Variants in SYT14 observed in about 807,000 individuals in gnomAD.
SYT14 encodes the protein synaptotagmin-14.
SYT14 carries 32 observed loss-of-function variants against 74.2 expected under a neutral mutation model. The ratio of observed to expected loss-of-function variants is 0.43; its 90% CI spans 0.33 to 0.58. The LOEUF (loss-of-function observed/expected upper bound fraction) is 0.58, where lower values mean the gene tolerates loss of function less well. Among genes scored for constraint, SYT14 ranks in the 20% least tolerant of loss-of-function variants. SYT14 has a pLI of 0.05. For synonymous variants in SYT14, 298 were observed against 337.7 expected (o/e 0.88, Z 1.29); for missense variants, 791 against 981.8 (o/e 0.81, Z 2.60).
At chr1:210,152,816 G>T (rs545098287) in intron 7 of SYT14, among the ~76,000 whole-genome samples, 1 of 151,878 alleles carries the variant, frequency 6.6e-6, no homozygotes, top group East Asian at 1.9e-4. Context: ...TTAATACATC[G>T]GGAACATAAT....
chr1:210,015,684 G>C (rs1299161344), exon 4 of SYT14: 1 of 196,980 alleles, frequency 5.1e-6, no homozygotes, highest in African/African-American at 2.3e-5. Flanking sequence ...CTTTTTTCAG[G>C]TGTAGAATAA....
chr1:209,976,123 T>G (rs2079358840), intron 2 of SYT14, among the ~76,000 whole-genome samples: 1 of 152,192 alleles, frequency 6.6e-6, no homozygotes, highest in Non-Finnish European at 1.5e-5. Flanking sequence ...GCTAGCGGTT[T>G]ATCAATTTTT....
chr1:210,141,705 T>G (rs982125601), intron 7 of SYT14, among the ~76,000 whole-genome samples: 5 of 152,234 alleles, frequency 3.3e-5, no homozygotes, highest in Non-Finnish European at 7.3e-5. Flanking sequence ...AAGTCTTTGC[T>G]GAGGGGTTCT....
At chr1:210,051,255 A>G (rs781261638) in intron 5 of SYT14, among the ~76,000 whole-genome samples, 3 of 152,218 alleles carry the variant, frequency 2.0e-5, no homozygotes, top group African/African-American at 2.4e-5. Context: ...ATAAAATTCA[A>G]GAATTTTGGT....
chr1:209,985,652 C>T (rs542307140), intron 2 of SYT14, among the ~76,000 whole-genome samples: 1 of 152,366 alleles, frequency 6.6e-6, no homozygotes, highest in Middle Eastern at 3.4e-3. Flanking sequence ...CTCACATTTT[C>T]CCTCTGCACT....
At chr1:210,089,591 G>A (rs1027123548) in intron 5 of SYT14, among the ~76,000 whole-genome samples, 2 of 152,042 alleles carry the variant, frequency 1.3e-5, no homozygotes, top group Admixed American at 6.6e-5. Flanking sequence ...TTTCTAATTT[G>A]TATTGTGATT....
chr1:209,990,122 C>A (rs2079639151), intron 2 of SYT14, among the ~76,000 whole-genome samples: 1 of 152,044 alleles, frequency 6.6e-6, no homozygotes, highest in Non-Finnish European at 1.5e-5. Context: ...ATAAATTATG[C>A]CTTATAGAAC....
chr1:210,069,732 T>A (rs1476229598), intron 5 of SYT14, among the ~76,000 whole-genome samples: 3 of 152,066 alleles, frequency 2.0e-5, no homozygotes, highest in Non-Finnish European at 4.4e-5. Flanking sequence ...CTTTTTATAA[T>A]TATTCTTATT....
chr1:209,952,697 T>G lies in SYT14; in HGVS notation c.-533-12T>G, dbSNP rs1399969692. The G allele has an allele frequency of 1.2e-6, 2 of 1,604,674 alleles. No individual in the cohort carries two copies. Among genetic ancestry groups the G allele is most frequent in the Non-Finnish European group, 1.7e-6 (2 of 1,173,642 alleles). ...TCTATGTTTTTAACTTCCCATAAAC[T>G]TTTTTTAATAGGTGGAGAGAGAACC... On this transcript the variant is annotated splice_polypyrimidine_tract_variant and intron_variant, in intron 1 of 9. Transcript: ENST00000637265.
chr1:210,166,815 T>G (rs558461713), exon 10 of SYT14: 2 of 152,304 alleles, frequency 1.3e-5, no homozygotes, highest in Admixed American at 6.5e-5. Context: ...CATAGTAGTA[T>G]TCATGAAATG....
rs771660551 is a variant in SYT14 at position 210,053,405 on chromosome 1, C to G, written c.1312+32151C>G. 3.9e-5 allele frequency among the ~76,000 whole-genome samples: 6 copies of G among 152,166 alleles called. No homozygotes were observed. In the East Asian group the frequency reaches 1.2e-3, roughly 29 times the overall value. The stretch of plus-strand genomic sequence containing the variant: ...TGGTATAGATCATTTAGGGTCTTAA[C>G]TGATGGGCCAAGCAATTAGGACTGC... On this transcript the variant is annotated intron_variant, in intron 5 of 9. Coordinates refer to ENST00000637265, the Ensembl canonical transcript of SYT14.
intron 2 of SYT14, among the ~76,000 whole-genome samples, chr1:209,996,341 T>G (rs1269840058): frequency 6.6e-6 from 1 of 152,076 alleles, no homozygotes; most frequent in African/African-American, 2.4e-5. Context: ...GCACACAAAT[T>G]AGAAAATCTA....
chr1:210,013,526 A>G, intron 2 of SYT14, 107 bp from the exon 3 acceptor site: 2 of 1,120,434 alleles, frequency 1.8e-6, no homozygotes, highest in Middle Eastern at 3.0e-4. Flanking sequence ...CAATTAAAAA[A>G]TATAATTCAA....
At chr1:209,994,446 A>G (rs2079750334) in intron 2 of SYT14, among the ~76,000 whole-genome samples, 1 of 152,350 alleles carries the variant, frequency 6.6e-6, no homozygotes, top group Non-Finnish European at 1.5e-5. Context: ...CGAAGAAAAA[A>G]GAATTTTTTA....
At chr1:210,054,352 A>G (rs892316056) in intron 5 of SYT14, among the ~76,000 whole-genome samples, 3 of 152,226 alleles carry the variant, frequency 2.0e-5, no homozygotes, top group Non-Finnish European at 2.9e-5. Context: ...ACTTTCTGCT[A>G]TCACATTTTA....
intron 7 of SYT14, among the ~76,000 whole-genome samples, chr1:210,148,903 A>G (rs1276656415): frequency 6.6e-6 from 1 of 152,202 alleles, no homozygotes; most frequent in Non-Finnish European, 1.5e-5. Flanking sequence ...ATTATAAACC[A>G]ATCTCATTTA....
chr1:209,968,438 A>G (rs966306167), intron 2 of SYT14, among the ~76,000 whole-genome samples: 1 of 152,062 alleles, frequency 6.6e-6, no homozygotes. Flanking sequence ...TATGGTAGAT[A>G]CTATATGATA....
chr1:210,124,289 A>G (rs571225881), intron 7 of SYT14, among the ~76,000 whole-genome samples: 7 of 152,276 alleles, frequency 4.6e-5, no homozygotes, highest in Non-Finnish European at 8.8e-5. Context: ...TAAAAGGAAA[A>G]TAGAGTGGAA....
intron 7 of SYT14, among the ~76,000 whole-genome samples, chr1:210,107,554 G>T (rs1377515814): frequency 6.6e-6 from 1 of 152,056 alleles, no homozygotes; most frequent in East Asian, 1.9e-4. Context: ...TAGGGCAGAT[G>T]GGAAGAAATG....
Sources: gnomAD v4.1 joint callset for allele counts (sites outside exome capture counted in the v4.1 genomes callset) on GRCh38, gnomAD v4.1.1 for gene constraint, MANE v1.5 for transcripts, NCBI Gene and HGNC (gene_info 2026-07-23, HGNC 2026-07-21) for gene names.